SFPQ: variants seen among roughly 807,000 people sequenced by gnomAD.
SFPQ encodes splicing factor, proline- and glutamine-rich.
In SFPQ, 11 loss-of-function variants were observed where a neutral mutation model predicts 72.9. That is an observed-to-expected ratio of 0.15 (90% CI 0.09 to 0.25). The LOEUF is 0.25. Among genes scored for constraint, SFPQ ranks in the 10% least tolerant of loss-of-function variants. The pLI is 1.00. For synonymous variants in SFPQ, 506 were observed against 367.3 expected, an observed-to-expected ratio of 1.38 and a Z score of -4.32; for missense variants, 847 against 993.3, an observed-to-expected ratio of 0.85 and a Z score of 1.98.
rs1639568925 is a variant in SFPQ at position 35,183,518 on chromosome 1, A to C, written c.*938T>G. 1 of 1,011,726 alleles carries C rather than the reference A, an allele frequency of 9.9e-7. No individual in the cohort carries two copies. Among genetic ancestry groups the C allele is most frequent in the Non-Finnish European group, 1.2e-6 (1 of 844,738 alleles). 62.7% of individuals were successfully genotyped at this position (1,011,726 alleles called of 1,614,324 possible). On this transcript the variant is annotated 3_prime_UTR_variant, in exon 10 of 10. Transcript: ENST00000357214. ...AGGCGTGAGCCACCGCGCCCGGCCC[A>C]GTTACTAAACCTTCTTACTTTCAAG...
downstream of SFPQ, chr1:35,179,378 T>C (rs1414033138): frequency 9.5e-7 from 1 of 1,057,204 alleles, no homozygotes; most frequent in Non-Finnish European, 1.1e-6. Flanking sequence ...TGCATTTCTT[T>C]CATCTTTCAG....
At chr1:35,189,725 G>A (rs1299223629) in intron 4 of SFPQ, among the ~76,000 whole-genome samples, 2 of 152,018 alleles carry the variant, frequency 1.3e-5, no homozygotes, top group Admixed American at 6.6e-5. Context: ...AAGGCAGGTG[G>A]ATCACCTGAG....
Position 35,187,136 on chromosome 1 carries a change from A to G in SFPQ, c.1865-14T>C. ...AACCATAGGGATCTAGAAAACAAAA[A>G]TAGTGGTTACAACTCCACCAGGATA... On this transcript the variant is annotated splice_polypyrimidine_tract_variant and intron_variant, in intron 8 of 9. Transcript: ENST00000357214. The G allele has an allele frequency of 6.2e-7, 1 of 1,614,010 alleles. No homozygotes were observed. Among genetic ancestry groups the G allele is most frequent in the Non-Finnish European group, 8.5e-7 (1 of 1,179,926 alleles).
rs770123992 is a variant in SFPQ at position 35,190,508 on chromosome 1, T to C, written c.1405A>G (p.Met469Val). The change falls in exon 4 of 10, where the codon ATG becomes GTG. Residue 469 changes from methionine to valine, a missense_variant. This residue lies in a region of SFPQ where 132 missense variants were observed against 255.4 expected (regional missense o/e 0.52). Transcript: ENST00000357214. ...LPEKLAQKNPMYQKERETPPR... is the reference protein window; with the variant it reads ...LPEKLAQKNPVYQKERETPPR... ...TTTAATCAATCTTACTTTTGATACA[T>C]TGGATTCTTCTGGGCAAGTTTTTCA... 2.2e-5 allele frequency: 36 copies of C among 1,608,694 alleles called. No individual in the cohort carries two copies. The highest frequency in any genetic ancestry group is 8.4e-5 in the Admixed American group (5 of 59,828).
chr1:35,192,087 C>A, intron 1 of SFPQ, 135 bp downstream of exon 1: 1 of 653,984 alleles, frequency 1.5e-6, no homozygotes. Flanking sequence ...CCGCAGGCCG[C>A]CCCGCCCCCG....
downstream of SFPQ, chr1:35,179,041 T>TTCTTTC: frequency 9.4e-7 from 1 of 1,059,004 alleles, no homozygotes; most frequent in Non-Finnish European, 1.1e-6. Context: ...AGCAGTCAAA[T>TTCTTTC]CCTCTGAATT....
intron 4 of SFPQ, among the ~76,000 whole-genome samples, 178 bp downstream of exon 4, chr1:35,190,320 G>C (rs138564490): frequency 6.6e-6 from 1 of 152,230 alleles, no homozygotes; most frequent in Non-Finnish European, 1.5e-5. Flanking sequence ...ATCCACCTTA[G>C]AAGCAAACAG....
chr1:35,181,926 T>G, downstream of SFPQ: 1 of 985,084 alleles, frequency 1.0e-6, no homozygotes, highest in East Asian at 1.1e-4. Flanking sequence ...CATTTGAAAC[T>G]AAGCAACATT....
rs1439502422 is a variant in SFPQ at position 35,188,059 on chromosome 1, C to T, written c.1729G>A (p.Glu577Lys). 6.2e-7 allele frequency: 1 copy of T among 1,613,984 alleles called. No homozygotes were observed. Among genetic ancestry groups the T allele is most frequent in the Non-Finnish European group, 8.5e-7 (1 of 1,179,966 alleles). Residue 577 changes from glutamate (E) to lysine (K), a missense_variant, in exon 7 of 10, where the codon GAG becomes AAG. By Grantham distance (56) the Glu-to-Lys change is moderately conservative. Transcript: ENST00000357214. ...QEEERRRREE[E>K]MMIRQREMEE... ...ATCTCACGTTGACGAATCATCATCT[C>T]TTCCTCTCTTCTACGTCGTTCCTCC...
At chr1:35,187,453 G>A (rs112106377) in intron 7 of SFPQ, among the ~76,000 whole-genome samples, 7 of 152,282 alleles carry the variant, frequency 4.6e-5, no homozygotes, top group African/African-American at 1.4e-4. Flanking sequence ...ATTCAAGGCC[G>A]GGAGCAGTGG....
At chr1:35,189,607 T>C (rs1166375264) in intron 4 of SFPQ, among the ~76,000 whole-genome samples, 4 of 152,186 alleles carry the variant, frequency 2.6e-5, no homozygotes, top group African/African-American at 7.2e-5. Context: ...TTCTAATTGT[T>C]TTCCTCTAGC....
chr1:35,176,873 C>CA (rs10604866), intron 5 of SFPQ, among the ~76,000 whole-genome samples: 6,893 of 91,424 alleles, frequency 0.075, 215 homozygotes, highest in Middle Eastern at 0.1. Context: ...GACTCCGTCT[C>CA]AAAAAAAAAA....
intron 9 of SFPQ, among the ~76,000 whole-genome samples, chr1:35,186,608 T>C (rs1272951783): frequency 6.8e-6 from 1 of 147,094 alleles, no homozygotes; most frequent in African/African-American, 2.7e-5. Context: ...TTCCTACTTA[T>C]GGCAAATACC....
At chr1:35,181,120 T>C, downstream of SFPQ, 3 of 1,065,046 alleles carry the variant, frequency 2.8e-6, no homozygotes, top group Non-Finnish European at 3.4e-6. Context: ...TTAGATTATA[T>C]TGCTTGTTAC....
At chr1:35,189,445 C>A in intron 4 of SFPQ, 63 bp from the exon 5 acceptor site, 2 of 1,285,238 alleles carry the variant, frequency 1.6e-6, no homozygotes, top group East Asian at 4.8e-5. Flanking sequence ...AATACTTGCC[C>A]TAGTACTGAT....
intron 9 of SFPQ, 85 bp downstream of exon 9, chr1:35,186,916 A>T: frequency 7.0e-7 from 1 of 1,436,458 alleles, no homozygotes; most frequent in Non-Finnish European, 9.5e-7. Context: ...TCACCTACTT[A>T]AAAAAACAAA....
chr1:35,192,422 C>G lies in SFPQ; in HGVS notation c.628G>C (p.Gly210Arg). Residue 210 changes from glycine (G) to arginine (R), a missense_variant, in exon 1 of 10, where the codon GGC becomes CGC. Coordinates refer to ENST00000357214, the MANE Select transcript of SFPQ (RefSeq NM_005066.3). ...QGPGPGGPKG[G>R]KMPGGPKPGG... ...GGCTTCGGCCCGCCAGGCATTTTGC[C>G]GCCTTTGGGACCACCCGGACCTGGG... 1 of 1,426,544 alleles carries G rather than the reference C, an allele frequency of 7.0e-7. No individual in the cohort carries two copies. The highest frequency in any genetic ancestry group is 9.1e-7 in the Non-Finnish European group (1 of 1,098,044). The allele number at this position is 1,426,544 out of a possible 1,614,324, so 88.4% of individuals were successfully genotyped here.
chr1:35,190,970 G>C lies in SFPQ; in HGVS notation c.1043C>G (p.Ala348Gly). Residue 348 changes from alanine (A) to glycine (G), a missense_variant, in exon 3 of 10, where the codon GCC becomes GGC. Ala to Gly is a moderately conservative substitution (Grantham distance 60). Coordinates refer to ENST00000357214, the MANE Select transcript of SFPQ (RefSeq NM_005066.3). ...GGGTGTATCATCCAGTTCGGCTTTG[G>C]CAATTTCAGCCAAAGCTCTAGATTC... ...KLESRALAEI[A>G]KAELDDTPMR... 6.2e-7 allele frequency: 1 copy of C among 1,613,722 alleles called. No individual in the cohort carries two copies. The highest frequency in any genetic ancestry group is 8.5e-7 in the Non-Finnish European group (1 of 1,179,892).
chr1:35,180,743 T>G, downstream of SFPQ: 2 of 1,060,456 alleles, frequency 1.9e-6, no homozygotes, highest in South Asian at 4.6e-5. Flanking sequence ...TTTGCTACAA[T>G]AGAGACTAAT....
Sources: gnomAD v4.1 joint callset for allele counts (sites outside exome capture counted in the v4.1 genomes callset) on GRCh38, gnomAD v4.1.1 for gene constraint, gnomAD v4.1.1 regional missense constraint, MANE v1.5 for transcripts, NCBI Gene and HGNC (gene_info 2026-07-23, HGNC 2026-07-21) for gene names.